The following TENM4 variants were observed in gnomAD, a reference collection of about 807,000 sequenced individuals.
The protein encoded by TENM4 is teneurin transmembrane protein 4, also known as teneurin-4.
In TENM4, 82 loss-of-function variants were observed where a neutral mutation model predicts 243.3. The ratio of observed to expected loss-of-function variants is 0.34; its 90% CI spans 0.28 to 0.40. The LOEUF (loss-of-function observed/expected upper bound fraction) is 0.40, where lower values mean the gene tolerates loss of function less well. Among genes scored for constraint, TENM4 ranks in the 10% least tolerant of loss-of-function variants. The pLI, the probability that TENM4 is intolerant of heterozygous loss-of-function variation, is 1.00. For missense variants in TENM4, 3,138 were observed against 3,673.3 expected, an observed-to-expected ratio of 0.85 and a Z score of 3.77; for synonymous variants, 1,412 against 1,456.3, an observed-to-expected ratio of 0.97 and a Z score of 0.69.
intron 7 of TENM4, among the ~76,000 whole-genome samples, chr11:78,901,992 G>A (rs915877357): frequency 2.0e-5 from 3 of 152,196 alleles, no homozygotes; most frequent in African/African-American, 7.2e-5. Context: ...GTGCTAGGCA[G>A]TCACATGTCC....
At chr11:78,683,636 TCGCGCACGGTG>T (rs1346246991) in intron 29 of TENM4, among the ~76,000 whole-genome samples, 1 of 141,652 alleles carries the variant, frequency 7.1e-6, no homozygotes, top group East Asian at 2.0e-4. Flanking sequence ...CTGCTTCGGC[TCGCGCACGGTG>T]CGCGCACACA....
Position 79,336,531 on chromosome 11 carries a change from C to G in TENM4, c.-320-38988G>C, listed in dbSNP as rs145044205. Among the ~76,000 whole-genome samples, 756 of 152,272 alleles carry G rather than the reference C, an allele frequency of 5.0e-3. 6 individuals are homozygous for G. Among genetic ancestry groups the G allele is most frequent in the African/African-American group, 0.018 (730 of 41,556 alleles). On this transcript the variant is annotated intron_variant, in intron 1 of 33. Coordinates refer to ENST00000278550, the MANE Select transcript of TENM4 (RefSeq NM_001098816.3). ...AATCGGCTGGTTATGTGCTTATAAG[C>G]TATTACCACAATGCAATAAGGAATC...
rs1277794404 is a variant in TENM4 at position 78,863,005 on chromosome 11, A to G, written c.1212T>C (p.Thr404=). 4 of 1,507,744 alleles carry G rather than the reference A, an allele frequency of 2.7e-6. No individual in the cohort carries two copies. The highest frequency in any genetic ancestry group is 3.6e-6 in the Non-Finnish European group (4 of 1,114,150). The allele number at this position is 1,507,744 out of a possible 1,614,324, so 93.4% of individuals were successfully genotyped here. A position where few individuals can be genotyped will look rare whatever the true frequency, so the allele number is the denominator to read the frequency against. ...TDVSLYPSGG[T]GLETPDRKGK... ...CTTTCCTGTCAGGGGTCTCTAAGCC[A>G]GTGCCCCCTGAGGGGTATAGGGAGA... Residue 404 remains threonine, a synonymous_variant, in exon 10 of 34, where the codon ACT becomes ACC. Coordinates refer to ENST00000278550, the MANE Select transcript of TENM4 (RefSeq NM_001098816.3).
intron 1 of TENM4, among the ~76,000 whole-genome samples, chr11:79,367,323 T>C (rs528912292): frequency 2.0e-5 from 3 of 152,242 alleles, no homozygotes; most frequent in African/African-American, 2.4e-5. Context: ...GATACTCTCA[T>C]TGGAGGATTC....
chr11:79,026,641 T>C (rs1859087574), intron 6 of TENM4, among the ~76,000 whole-genome samples: 1 of 152,178 alleles, frequency 6.6e-6, no homozygotes, highest in Non-Finnish European at 1.5e-5. Flanking sequence ...GTCCTTTCTA[T>C]GAATTACTTC....
At chr11:78,760,030 G>A (rs76147348) in intron 18 of TENM4, among the ~76,000 whole-genome samples, 1,884 of 152,204 alleles carry the variant, frequency 0.012, 48 homozygotes, top group African/African-American at 0.043. Flanking sequence ...ATCACAGTAC[G>A]TCTCTTTCCA....
intron 1 of TENM4, among the ~76,000 whole-genome samples, chr11:79,427,248 C>T (rs917887696): frequency 2.2e-4 from 33 of 152,282 alleles, no homozygotes; most frequent in African/African-American, 7.9e-4. Flanking sequence ...TAAAAAGCTG[C>T]ATTATCTTTG....
intron 3 of TENM4, among the ~76,000 whole-genome samples, chr11:79,181,859 A>C (rs1863287478): frequency 6.6e-6 from 1 of 151,924 alleles, no homozygotes; most frequent in African/African-American, 2.4e-5. Flanking sequence ...CATTAGCACC[A>C]CCCAAATGAA....
At chr11:79,400,814 C>G (rs1356043728) in intron 1 of TENM4, among the ~76,000 whole-genome samples, 1 of 152,178 alleles carries the variant, frequency 6.6e-6, no homozygotes, top group African/African-American at 2.4e-5. Context: ...CTCCTCCTCC[C>G]ACAGACATTG....
At chr11:79,344,971 G>A (rs749790996) in intron 1 of TENM4, among the ~76,000 whole-genome samples, 1 of 152,158 alleles carries the variant, frequency 6.6e-6, no homozygotes, top group Non-Finnish European at 1.5e-5. Context: ...CTTCCTAAGG[G>A]TAATGGATTT....
rs561749750 is a variant in TENM4 at position 78,761,859 on chromosome 11, C to G, written c.2540-4838G>C. Among the ~76,000 whole-genome samples, 22 of 152,204 alleles carry G rather than the reference C, an allele frequency of 1.4e-4. No individual in the cohort carries two copies. In the South Asian group the frequency reaches 1.7e-3, roughly 11 times the overall value. On this transcript the variant is annotated intron_variant, in intron 18 of 33. Transcript: ENST00000278550. ...GTTCCAACCTCCCACTGTGGATGTG[C>G]CCTGTCTGCTGACTCTGAAATTATT...
intron 1 of TENM4, among the ~76,000 whole-genome samples, chr11:79,412,417 C>G (rs1466918164): frequency 1.3e-5 from 2 of 152,152 alleles, no homozygotes; most frequent in Admixed American, 6.5e-5. Context: ...ATTTCCCTGA[C>G]TTTGGAACAC....
intron 12 of TENM4, among the ~76,000 whole-genome samples, chr11:78,836,719 T>C (rs891337962): frequency 1.3e-5 from 2 of 152,216 alleles, no homozygotes; most frequent in Non-Finnish European, 2.9e-5. Flanking sequence ...TTTCTAACAC[T>C]AGGCCTTCAA....
chr11:79,380,927 A>G (rs111942771), intron 1 of TENM4, among the ~76,000 whole-genome samples: 11 of 152,238 alleles, frequency 7.2e-5, no homozygotes, highest in Non-Finnish European at 1.3e-4. Context: ...GCCATTCTCA[A>G]TCTTGGTTTC....
At chr11:79,350,632 G>T (rs922756988) in intron 1 of TENM4, among the ~76,000 whole-genome samples, 13 of 151,132 alleles carry the variant, frequency 8.6e-5, no homozygotes, top group African/African-American at 3.2e-4. Flanking sequence ...AGAGATGGGG[G>T]TCTCACTGTG....
intron 1 of TENM4, among the ~76,000 whole-genome samples, chr11:79,412,045 G>T (rs1858712419): frequency 6.6e-6 from 1 of 152,188 alleles, no homozygotes; most frequent in African/African-American, 2.4e-5. Flanking sequence ...AGCTGCACTG[G>T]CTCAGCCTTC....
At chr11:79,110,743 T>G (rs930952314) in intron 4 of TENM4, among the ~76,000 whole-genome samples, 2 of 152,140 alleles carry the variant, frequency 1.3e-5, no homozygotes, top group Non-Finnish European at 2.9e-5. Context: ...ATGGATGGCA[T>G]GGGTCTGCTT....
At chr11:78,738,613 G>C (rs1224098061) in intron 19 of TENM4, 43 bp from the exon 20 acceptor site, 1 of 1,591,250 alleles carries the variant, frequency 6.3e-7, no homozygotes, top group South Asian at 1.1e-5. Context: ...CACCTTTCAT[G>C]GTCAGAGCCC....
intron 4 of TENM4, among the ~76,000 whole-genome samples, chr11:79,125,334 T>C (rs1861852208): frequency 6.6e-6 from 1 of 152,096 alleles, no homozygotes; most frequent in Non-Finnish European, 1.5e-5. Context: ...AGGGATTCCA[T>C]CTCCTGGCTT....
Sources: gnomAD v4.1 joint callset for allele counts (sites outside exome capture counted in the v4.1 genomes callset) on GRCh38, gnomAD v4.1.1 for gene constraint, MANE v1.5 for transcripts, NCBI Gene and HGNC (gene_info 2026-07-23, HGNC 2026-07-21) for gene names.